The following IGSF21 variants were observed in gnomAD, a reference collection of about 807,000 sequenced individuals.
IGSF21 encodes the protein immunoglobin superfamily member 21.
Under a neutral mutation model 46.8 loss-of-function variants are expected in IGSF21, and 28 were observed. The ratio of observed to expected loss-of-function variants is 0.60; its 90% CI spans 0.44 to 0.82. The LOEUF is 0.82. IGSF21 is among the 40% of genes least tolerant of loss of function. The probability of loss-of-function intolerance (pLI) is 0.00; values close to 1 mark genes in which losing one functional copy is unlikely to be tolerated. For synonymous variants in IGSF21, 284 were observed against 273.6 expected (o/e 1.04, Z -0.38); for missense variants, 624 against 665.5 (o/e 0.94, Z 0.69).
chr1:18,212,027 T>C (rs2084397870), intron 1 of IGSF21, among the ~76,000 whole-genome samples: 1 of 152,202 alleles, frequency 6.6e-6, no homozygotes, highest in Non-Finnish European at 1.5e-5. Flanking sequence ...CAATGTTCCA[T>C]AAGGCAGGCT....
intron 1 of IGSF21, among the ~76,000 whole-genome samples, chr1:18,120,595 G>A (rs372529789): frequency 2.6e-5 from 4 of 152,218 alleles, no homozygotes; most frequent in Non-Finnish European, 5.9e-5. Context: ...ATGGTGCAAT[G>A]AGACAACATA....
chr1:18,277,764 A>G (rs879263603), intron 2 of IGSF21, among the ~76,000 whole-genome samples: 3 of 152,234 alleles, frequency 2.0e-5, no homozygotes, highest in Non-Finnish European at 4.4e-5. Context: ...GGGAGAAAAG[A>G]GCCTTCCCTG....
In IGSF21 at chr1:18,365,172, T is replaced by C. The variant is rs745792374; in HGVS notation, c.541-51T>C. 2.8e-6 allele frequency: 4 copies of C among 1,436,092 alleles called. No individual in the cohort carries two copies. The South Asian group carries it at 3.8e-5, about 14-fold the overall frequency. 89.0% of individuals were successfully genotyped at this position (1,436,092 alleles called of 1,614,324 possible). A position where few individuals can be genotyped will look rare whatever the true frequency, so the allele number is the denominator to read the frequency against. ...GTTCATCGGAGAACCCACTGGGAGG[T>C]TGAAGTTAGTAGCACAAAATCATTT... is the stretch of plus-strand genomic sequence containing the variant. On this transcript the variant is annotated intron_variant, in intron 5 of 9. Coordinates refer to ENST00000251296, the MANE Select transcript of IGSF21 (RefSeq NM_032880.5). The surrounding 1 kb of genome is among the most constrained non-coding windows in gnomAD (Gnocchi z 4.8).
intron 4 of IGSF21, among the ~76,000 whole-genome samples, chr1:18,343,197 A>G (rs2085860012): frequency 1.3e-5 from 2 of 152,230 alleles, no homozygotes; most frequent in South Asian, 2.1e-4. Flanking sequence ...CTCAGGGCCA[A>G]TGACACTGTA....
At chr1:18,378,129 C>T (rs1400391421) in intron 9 of IGSF21, 127 bp from the exon 10 acceptor site, 2 of 702,060 alleles carry the variant, frequency 2.8e-6, no homozygotes, top group East Asian at 5.3e-5. Context: ...GGTGGCAGAG[C>T]TGGGCTTCGA....
chr1:18,228,581 AGG>A (rs781032527), intron 2 of IGSF21, among the ~76,000 whole-genome samples: 15 of 152,194 alleles, frequency 9.9e-5, no homozygotes, highest in Non-Finnish European at 2.2e-4. Flanking sequence ...CTTGAGCACA[AGG>A]GGCCTTTTCA....
chr1:18,223,503 T>C (rs16861712), intron 1 of IGSF21, among the ~76,000 whole-genome samples: 15,336 of 152,282 alleles, frequency 0.1, 855 homozygotes, highest in East Asian at 0.15. Context: ...AGGCATGGAA[T>C]GAGGTGCTCC....
intron 4 of IGSF21, among the ~76,000 whole-genome samples, chr1:18,357,947 C>T (rs995688540): frequency 1.1e-4 from 17 of 152,094 alleles, no homozygotes; most frequent in Non-Finnish European, 2.2e-4. Flanking sequence ...ATTAACTGTA[C>T]ATATTGCTAA....
At chr1:18,305,509 G>GATGGATT (rs1557635202) in intron 3 of IGSF21, among the ~76,000 whole-genome samples, 31 of 121,130 alleles carry the variant, frequency 2.6e-4, no homozygotes, top group South Asian at 1.2e-3. Flanking sequence ...TGGATGGATG[G>GATGGATT]ATGAATGGAT....
At chr1:18,217,358 A>G (rs1188908605) in intron 1 of IGSF21, among the ~76,000 whole-genome samples, 1 of 152,152 alleles carries the variant, frequency 6.6e-6, no homozygotes, top group African/African-American at 2.4e-5. Flanking sequence ...CTTGCTATCA[A>G]TAAGTAATGG....
intron 3 of IGSF21, among the ~76,000 whole-genome samples, chr1:18,300,238 C>A (rs559380597): frequency 6.6e-6 from 1 of 152,044 alleles, no homozygotes; most frequent in East Asian, 1.9e-4. Context: ...AGAGCAAGAC[C>A]TGGGGAACCT....
At chr1:18,373,771 G>A (rs2086252038) in intron 6 of IGSF21, among the ~76,000 whole-genome samples, 1 of 152,124 alleles carries the variant, frequency 6.6e-6, no homozygotes, top group African/African-American at 2.4e-5. Flanking sequence ...GCATGACCTT[G>A]GACAAGCCAC....
intron 4 of IGSF21, among the ~76,000 whole-genome samples, chr1:18,338,269 G>A (rs184876169): frequency 1.2e-3 from 187 of 152,286 alleles, no homozygotes; most frequent in African/African-American, 3.9e-3. Flanking sequence ...CTCTGTGAAC[G>A]TCTCCTTCAA....
intron 1 of IGSF21, among the ~76,000 whole-genome samples, chr1:18,189,186 G>T: frequency 6.6e-6 from 1 of 152,350 alleles, no homozygotes; most frequent in East Asian, 1.9e-4. Context: ...AGCCAATGTC[G>T]CCCGACTTTG....
chr1:18,309,955 T>C (rs568392997), intron 3 of IGSF21, among the ~76,000 whole-genome samples: 97 of 151,830 alleles, frequency 6.4e-4, no homozygotes, highest in Non-Finnish European at 1.2e-3. Flanking sequence ...CCCTGGGGGG[T>C]GCATGGAGGC....
At chr1:18,209,129 G>A (rs1014342699) in intron 1 of IGSF21, among the ~76,000 whole-genome samples, 1 of 152,198 alleles carries the variant, frequency 6.6e-6, no homozygotes, top group African/African-American at 2.4e-5. Context: ...GCTCGCTTGA[G>A]CATTTGTGCA....
At chr1:18,360,457 G>C (rs141479481) in intron 4 of IGSF21, among the ~76,000 whole-genome samples, 311 of 152,238 alleles carry the variant, frequency 2.0e-3, no homozygotes, top group African/African-American at 7.1e-3. Flanking sequence ...TGTGAACTTT[G>C]CAATGCTTCA....
intron 1 of IGSF21, among the ~76,000 whole-genome samples, chr1:18,199,840 C>T (rs1157858822): frequency 2.0e-5 from 3 of 152,184 alleles, no homozygotes; most frequent in South Asian, 4.1e-4. Flanking sequence ...CTCCCCGCTT[C>T]GTCAGATAAG....
chr1:18,309,883 C>A (rs1236319575), intron 3 of IGSF21, among the ~76,000 whole-genome samples: 1 of 152,156 alleles, frequency 6.6e-6, no homozygotes, highest in Non-Finnish European at 1.5e-5. Context: ...AGTCTCCACA[C>A]CATTAGCTCT....
Sources: gnomAD v4.1 joint callset for allele counts (sites outside exome capture counted in the v4.1 genomes callset) on GRCh38, gnomAD v4.1.1 for gene constraint, Gnocchi (gnomAD v3.1) non-coding constraint, MANE v1.5 for transcripts, NCBI Gene and HGNC (gene_info 2026-07-23, HGNC 2026-07-21) for gene names.